TCF4: variants seen among roughly 807,000 people sequenced by gnomAD.
TCF4 encodes the protein SL3-3 enhancer factor 2.
Under a neutral mutation model 82.1 loss-of-function variants are expected in TCF4, and 3 were observed. That is an observed-to-expected ratio of 0.04 (90% CI 0.02 to 0.09). The LOEUF (loss-of-function observed/expected upper bound fraction) is 0.09. TCF4 is among the 10% of genes least tolerant of loss of function. The pLI, the probability that TCF4 is intolerant of heterozygous loss-of-function variation, is 1.00. For missense variants in TCF4, 518 were observed against 852.7 expected (o/e 0.61, Z 4.89); for synonymous variants, 276 against 309.6 (o/e 0.89, Z 1.14).
chr18:55,448,619 T>C (rs187347013), intron 5 of TCF4, among the ~76,000 whole-genome samples: 1 of 152,234 alleles, frequency 6.6e-6, no homozygotes, highest in Non-Finnish European at 1.5e-5. Flanking sequence ...GGGAGGCATC[T>C]ATCTGTGGAC....
At chr18:55,546,657 G>A (rs1329617003) in intron 3 of TCF4, among the ~76,000 whole-genome samples, 2 of 152,104 alleles carry the variant, frequency 1.3e-5, no homozygotes, top group African/African-American at 4.8e-5. Flanking sequence ...TCTACAAATG[G>A]GTTCCCCAAA....
chr18:55,240,845 T>C (rs1210406056), intron 15 of TCF4, among the ~76,000 whole-genome samples: 1 of 152,216 alleles, frequency 6.6e-6, no homozygotes, highest in Non-Finnish European at 1.5e-5. Context: ...TTCAATTCTT[T>C]TGTTTGGATT....
At chr18:55,389,814 G>A (rs1475921683) in intron 6 of TCF4, among the ~76,000 whole-genome samples, 1 of 152,058 alleles carries the variant, frequency 6.6e-6, no homozygotes, top group Non-Finnish European at 1.5e-5. Context: ...AGGGATCAGA[G>A]CAGCACGGGC....
chr18:55,252,387 A>G (rs2055503384), intron 15 of TCF4, among the ~76,000 whole-genome samples: 2 of 151,388 alleles, frequency 1.3e-5, no homozygotes, highest in African/African-American at 4.9e-5. Flanking sequence ...TGTGTATATC[A>G]AGATCAAATT....
chr18:55,229,493 T>A (rs1013971656), intron 17 of TCF4: 5 of 195,752 alleles, frequency 2.6e-5, no homozygotes, highest in Admixed American at 5.3e-5. Context: ...CTTTATTTTT[T>A]AAATATATAT....
At chr18:55,463,985 A>T (rs1229943955) in intron 4 of TCF4, 91 bp downstream of exon 4, 38 of 1,084,322 alleles carry the variant, frequency 3.5e-5, no homozygotes, top group South Asian at 1.5e-4. Context: ...TGTGAGAGAG[A>T]GAGAGAGAGA....
intron 13 of TCF4, among the ~76,000 whole-genome samples, chr18:55,257,783 G>A (rs994485092): frequency 6.6e-6 from 1 of 152,130 alleles, no homozygotes; most frequent in Non-Finnish European, 1.5e-5. Context: ...TCTCGCACCA[G>A]TGGAAAACAG....
At chr18:55,488,881 C>G (rs746126391) in intron 3 of TCF4, among the ~76,000 whole-genome samples, 7 of 152,194 alleles carry the variant, frequency 4.6e-5, no homozygotes, top group Non-Finnish European at 1.0e-4. Context: ...CCAAACACAC[C>G]TGTCCCCTAT....
chr18:55,585,512 ACATTACAGATCC>A, intron 2 of TCF4, 160 bp from the exon 3 acceptor site: 1 of 734,764 alleles, frequency 1.4e-6, no homozygotes, highest in Non-Finnish European at 2.3e-6. Context: ...AAGAGAAACA[ACATTACAGATCC>A]CACCCCAGCC....
upstream of TCF4, among the ~76,000 whole-genome samples, chr18:55,592,343 G>C (rs1029122542): frequency 6.6e-6 from 1 of 152,076 alleles, no homozygotes; most frequent in Non-Finnish European, 1.5e-5. Context: ...TCAGGGTGCC[G>C]TCATGGTCAA....
chr18:55,277,381 C>T (rs1326328457), intron 9 of TCF4, among the ~76,000 whole-genome samples: 2 of 152,104 alleles, frequency 1.3e-5, no homozygotes, highest in South Asian at 2.1e-4. Context: ...ACAAGAGTCT[C>T]CTGACAATGT....
chr18:55,573,216 C>G (rs1410929457), intron 3 of TCF4, among the ~76,000 whole-genome samples: 1 of 150,408 alleles, frequency 6.6e-6, no homozygotes, highest in Non-Finnish European at 1.5e-5. Flanking sequence ...TATCACACAG[C>G]TGAATTAGGT....
intron 16 of TCF4, 158 bp downstream of exon 16, chr18:55,234,390 G>T: frequency 1.0e-6 from 1 of 992,576 alleles, no homozygotes; most frequent in Non-Finnish European, 1.5e-6. Context: ...AGCGGGCGAA[G>T]TTCTAAATAC....
At chr18:55,391,831 G>A (rs974388807) in intron 6 of TCF4, among the ~76,000 whole-genome samples, 5 of 150,854 alleles carry the variant, frequency 3.3e-5, no homozygotes, top group South Asian at 2.1e-4. Context: ...CCAACTACTC[G>A]GGAGGGTGAA....
At chr18:55,363,103 G>A (rs968239312) in intron 6 of TCF4, among the ~76,000 whole-genome samples, 1 of 152,080 alleles carries the variant, frequency 6.6e-6, no homozygotes, top group Non-Finnish European at 1.5e-5. Flanking sequence ...AAATTCTAAA[G>A]CTTATCTGGA....
At chr18:55,400,162 C>T (rs1395075784) in intron 6 of TCF4, among the ~76,000 whole-genome samples, 1 of 151,928 alleles carries the variant, frequency 6.6e-6, no homozygotes, top group African/African-American at 2.4e-5. Flanking sequence ...ACATTTTTTC[C>T]CTTCTGGCAT....
chr18:55,355,981 C>T (rs1189066112), intron 6 of TCF4, among the ~76,000 whole-genome samples: 1 of 152,062 alleles, frequency 6.6e-6, no homozygotes, highest in Non-Finnish European at 1.5e-5. Flanking sequence ...GAAATACAGA[C>T]AATGTATTTG....
At chr18:55,287,076 GA>G (rs570498619) in intron 8 of TCF4, among the ~76,000 whole-genome samples, 10 of 149,256 alleles carry the variant, frequency 6.7e-5, no homozygotes, top group East Asian at 2.0e-4. Context: ...TTGGTAGTCT[GA>G]AAAAAAAAGA....
chr18:55,340,118 G>A (rs1016609999), intron 8 of TCF4, among the ~76,000 whole-genome samples: 2 of 152,256 alleles, frequency 1.3e-5, no homozygotes, highest in Middle Eastern at 3.4e-3. Flanking sequence ...GGGCAGACCC[G>A]TTCCCGGCCT....
Sources: gnomAD v4.1 joint callset for allele counts (sites outside exome capture counted in the v4.1 genomes callset) on GRCh38, gnomAD v4.1.1 for gene constraint, MANE v1.5 for transcripts, NCBI Gene and HGNC (gene_info 2026-07-23, HGNC 2026-07-21) for gene names.